MARCHF5: variants seen among roughly 807,000 people sequenced by gnomAD.
The protein encoded by MARCHF5 is membrane associated ring-CH-type finger 5, also known as E3 ubiquitin-protein ligase MARCHF5.
In MARCHF5, 5 loss-of-function variants were observed where a neutral mutation model predicts 36.5. The ratio of observed to expected loss-of-function variants is 0.14; its 90% CI spans 0.07 to 0.29. The LOEUF (loss-of-function observed/expected upper bound fraction) is 0.29. Among genes scored for constraint, MARCHF5 ranks in the 10% least tolerant of loss-of-function variants. The pLI is 1.00. For synonymous variants in MARCHF5, 103 were observed against 109.9 expected, an observed-to-expected ratio of 0.94 and a Z score of 0.39; for missense variants, 179 against 336.3, an observed-to-expected ratio of 0.53 and a Z score of 3.66.
At chr10:92,335,662 A>C (rs1843493371) in intron 2 of MARCHF5, among the ~76,000 whole-genome samples, 1 of 152,198 alleles carries the variant, frequency 6.6e-6, no homozygotes, top group African/African-American at 2.4e-5. Flanking sequence ...GATGAGTAGA[A>C]AATTTCCAAA....
At chr10:92,347,490 A>G (rs1843658795) in intron 3 of MARCHF5, among the ~76,000 whole-genome samples, 1 of 76,748 alleles carries the variant, frequency 1.3e-5, no homozygotes, top group Non-Finnish European at 2.9e-5. Flanking sequence ...AGATAGATAG[A>G]TAGATAGATA....
At chr10:92,333,649 A>G (rs943947079) in intron 2 of MARCHF5, 7 of 985,064 alleles carry the variant, frequency 7.1e-6, no homozygotes, top group African/African-American at 1.7e-5. Context: ...GTGGGGTAGT[A>G]TGTAAAGGAA....
chr10:92,329,883 T>C (rs1843416019), intron 2 of MARCHF5, among the ~76,000 whole-genome samples: 1 of 152,248 alleles, frequency 6.6e-6, no homozygotes, highest in Non-Finnish European at 1.5e-5. Context: ...TTTGCTCTTG[T>C]TGCCCAGGCT....
chr10:92,318,650 AAAAC>A (rs1843246041), intron 2 of MARCHF5, among the ~76,000 whole-genome samples: 1 of 151,918 alleles, frequency 6.6e-6, no homozygotes, highest in African/African-American at 2.4e-5. Context: ...GGAAAAAAAA[AAAAC>A]AGACATCCTT....
At chr10:92,341,424 A>G (rs1440648549) in intron 3 of MARCHF5, among the ~76,000 whole-genome samples, 1 of 152,092 alleles carries the variant, frequency 6.6e-6, no homozygotes, top group African/African-American at 2.4e-5. Context: ...TGCTACATAG[A>G]ACTTGGATAA....
In MARCHF5 at chr10:92,351,204, A is replaced by G. The variant is rs1272663025; in HGVS notation, c.834A>G (p.Ala278=). 3 of 1,586,478 alleles carry G rather than the reference A, an allele frequency of 1.9e-6. No individual in the cohort carries two copies. The highest frequency in any genetic ancestry group is 8.6e-7 in the Non-Finnish European group (1 of 1,156,708). ...KILNYPEQEE[A] is the part of the protein sequence containing the mutation. ...TGAATTATCCAGAACAAGAAGAAGC[A>G]TAAAACTGACTTCTGGTTGTTCTGC... The change falls in exon 6 of 6, where the codon GCA becomes GCG. Residue 278 remains alanine (A), a synonymous_variant. Transcript: ENST00000358935.
chr10:92,306,972 C>G (rs1590648511), intron 1 of MARCHF5, among the ~76,000 whole-genome samples: 1 of 152,088 alleles, frequency 6.6e-6, no homozygotes, highest in East Asian at 1.9e-4. Flanking sequence ...CAAGATTGCA[C>G]CACTGCACTC....
intron 3 of MARCHF5, among the ~76,000 whole-genome samples, chr10:92,345,043 C>G (rs1843624608): frequency 6.6e-6 from 1 of 152,082 alleles, no homozygotes; most frequent in Admixed American, 6.6e-5. Flanking sequence ...GCAGCTGGAA[C>G]ATTTTATCCT....
chr10:92,314,728 T>G (rs1843186214), intron 2 of MARCHF5, among the ~76,000 whole-genome samples: 2 of 118,556 alleles, frequency 1.7e-5, no homozygotes, highest in Admixed American at 1.0e-4. Context: ...ACAGAGTATT[T>G]GCTGCTGCTG....
intron 1 of MARCHF5, among the ~76,000 whole-genome samples, chr10:92,300,329 A>AT (rs1339677290): frequency 6.6e-6 from 1 of 151,276 alleles, no homozygotes; most frequent in Non-Finnish European, 1.5e-5. Context: ...AAAAAAAAAA[A>AT]GAAAGAAAGA....
intron 1 of MARCHF5, among the ~76,000 whole-genome samples, chr10:92,302,712 G>C (rs1012175076): frequency 6.6e-6 from 1 of 152,122 alleles, no homozygotes; most frequent in African/African-American, 2.4e-5. Flanking sequence ...CCAAAGTGCT[G>C]GGATTATAGG....
intron 2 of MARCHF5, among the ~76,000 whole-genome samples, chr10:92,331,215 CT>C (rs1211567805): frequency 2.0e-4 from 30 of 152,128 alleles, no homozygotes; most frequent in South Asian, 6.2e-4. Flanking sequence ...GTGGTGGTGA[CT>C]TTTTTCAGCA....
chr10:92,307,880 C>T lies in MARCHF5; in HGVS notation c.36-3255C>T, dbSNP rs142688762. ...GAGCAAGACTTTGGGCTGCTGGTTG[C>T]CCATTTTTATGGTTATTTCTTGATG... On this transcript the variant is annotated intron_variant, in intron 1 of 5. Transcript: ENST00000358935. Among the ~76,000 whole-genome samples the T allele has an allele frequency of 7.1e-4, 108 of 151,796 alleles. No homozygotes were observed. In the East Asian group the frequency reaches 0.015, roughly 22 times the overall value.
At chr10:92,330,102 A>G (rs1243742631) in intron 2 of MARCHF5, among the ~76,000 whole-genome samples, 1 of 152,112 alleles carries the variant, frequency 6.6e-6, no homozygotes, top group Non-Finnish European at 1.5e-5. Flanking sequence ...CTTGGCCTCC[A>G]AAAGTGCTGG....
In MARCHF5 at chr10:92,351,123, A is replaced by G. The variant is rs749137641; in HGVS notation, c.753A>G (p.Ala251=). The G allele has an allele frequency of 2.5e-6, 4 of 1,612,972 alleles. No homozygotes were observed. Among genetic ancestry groups the G allele is most frequent in the Non-Finnish European group, 2.5e-6 (3 of 1,179,346 alleles). ...TTGCGTTTGTTGCCATAAAAGGAGC[A>G]TTTAAAGTTTACTTCAAACAGCAGC... is the stretch of plus-strand genomic sequence containing the variant. The part of the protein sequence containing the change: ...GGIAFVAIKG[A]FKVYFKQQQY... The change falls in exon 6 of 6, where the codon GCA becomes GCG. Residue 251 remains alanine, a synonymous_variant. Transcript: ENST00000358935.
intron 2 of MARCHF5, among the ~76,000 whole-genome samples, chr10:92,314,711 C>T (rs945761843): frequency 1.4e-5 from 2 of 144,498 alleles, no homozygotes; most frequent in Non-Finnish European, 3.0e-5. Context: ...CTTGACAAAA[C>T]AGAAAAACAG....
At chr10:92,320,363 T>A (rs1271160895) in intron 2 of MARCHF5, among the ~76,000 whole-genome samples, 1 of 152,104 alleles carries the variant, frequency 6.6e-6, no homozygotes, top group East Asian at 1.9e-4. Context: ...AACCACTTGT[T>A]ATCATTATTT....
At chr10:92,318,682 A>G (rs1843246836) in intron 2 of MARCHF5, among the ~76,000 whole-genome samples, 1 of 150,376 alleles carries the variant, frequency 6.6e-6, no homozygotes, top group South Asian at 2.1e-4. Flanking sequence ...TCTTGTTCTT[A>G]GGGGGAAATC....
intron 2 of MARCHF5, among the ~76,000 whole-genome samples, chr10:92,332,868 A>G (rs1843453461): frequency 6.6e-6 from 1 of 151,526 alleles, no homozygotes; most frequent in Non-Finnish European, 1.5e-5. Flanking sequence ...ATCTTCAATA[A>G]AATTCACATT....
Sources: allele counts gnomAD v4.1 joint callset (sites outside exome capture counted in the v4.1 genomes callset), GRCh38; gene constraint gnomAD v4.1.1; transcripts MANE v1.5; gene names NCBI Gene and HGNC (gene_info 2026-07-23, HGNC 2026-07-21).